Variants in LIMCH1 observed in about 807,000 individuals in gnomAD.
LIMCH1 encodes the protein LIM and calponin homology domains-containing protein 1.
Under a neutral mutation model 176.5 loss-of-function variants are expected in LIMCH1, and 113 were observed. That is an observed-to-expected ratio of 0.64 (90% CI 0.55 to 0.75). The LOEUF (loss-of-function observed/expected upper bound fraction) is 0.75, where lower values mean the gene tolerates loss of function less well. Among genes scored for constraint, LIMCH1 ranks in the 30% least tolerant of loss-of-function variants. The probability of loss-of-function intolerance (pLI) is 0.00; values close to 1 mark genes in which losing one functional copy is unlikely to be tolerated. For synonymous variants in LIMCH1, 619 were observed against 645.9 expected, an observed-to-expected ratio of 0.96 and a Z score of 0.63; for missense variants, 1,674 against 1,814.9, an observed-to-expected ratio of 0.92 and a Z score of 1.41.
At chr4:41,403,964 T>G (rs976603933) in intron 1 of LIMCH1, among the ~76,000 whole-genome samples, 6 of 152,210 alleles carry the variant, frequency 3.9e-5, no homozygotes, top group African/African-American at 7.2e-5. Context: ...TATTTGAGAT[T>G]TAATGTATTT....
chr4:41,689,554 T>G lies in LIMCH1; in HGVS notation c.4194T>G (p.Ser1398=). 1 of 1,610,854 alleles carries G rather than the reference T, an allele frequency of 6.2e-7. No homozygotes were observed. The highest frequency in any genetic ancestry group is 8.5e-7 in the Non-Finnish European group (1 of 1,177,116). Reference sequence around the variant, plus strand: ...CTATAAGTGGAAAGAAGCTGTGCTCTTCCTGTGGGCTTCCTTTGGGTAAAG... The same window carrying G: ...CTATAAGTGGAAAGAAGCTGTGCTCGTCCTGTGGGCTTCCTTTGGGTAAAG... ...NRSISGKKLC[S]SCGLPLGKGA... The change falls in exon 30 of 32, where the codon TCT becomes TCG. Residue 1398 remains serine, a synonymous_variant. Transcript: ENST00000503057.
chr4:41,556,258 G>A (rs1284093650), intron 1 of LIMCH1, among the ~76,000 whole-genome samples: 3 of 151,980 alleles, frequency 2.0e-5, no homozygotes, highest in South Asian at 2.1e-4. Flanking sequence ...AGCTGGGCAT[G>A]GTGGTGCACA....
intron 4 of LIMCH1, 109 bp from the exon 5 acceptor site, chr4:41,613,357 C>T: frequency 1.1e-6 from 1 of 930,404 alleles, no homozygotes; most frequent in Non-Finnish European, 1.6e-6. Flanking sequence ...ACAACCTTTC[C>T]ATTCTGATGT....
chr4:41,444,915 T>C (rs978399360), intron 1 of LIMCH1, among the ~76,000 whole-genome samples: 3 of 152,224 alleles, frequency 2.0e-5, no homozygotes, highest in Admixed American at 1.3e-4. Flanking sequence ...AGCTGAGTTA[T>C]TTACTGACAA....
intron 1 of LIMCH1, among the ~76,000 whole-genome samples, chr4:41,455,087 T>C (rs114240211): frequency 6.6e-6 from 1 of 151,938 alleles, no homozygotes; most frequent in African/African-American, 2.4e-5. Context: ...TCTCTATGGG[T>C]TTGAGTATTA....
intron 18 of LIMCH1, among the ~76,000 whole-genome samples, chr4:41,653,723 C>T (rs2094380633): frequency 6.6e-6 from 1 of 152,198 alleles, no homozygotes; most frequent in African/African-American, 2.4e-5. Context: ...GAAGGGATTG[C>T]GTGTGGAGCG....
intron 30 of LIMCH1, among the ~76,000 whole-genome samples, chr4:41,691,496 C>A (rs1489156470): frequency 6.6e-6 from 1 of 150,870 alleles, no homozygotes; most frequent in African/African-American, 2.4e-5. Context: ...CCTGTAATCC[C>A]AGCACTTTGG....
chr4:41,392,859 C>T (rs28372228), intron 1 of LIMCH1, among the ~76,000 whole-genome samples: 4,598 of 151,974 alleles, frequency 0.03, 245 homozygotes, highest in African/African-American at 0.1. Flanking sequence ...GGTGAAACCC[C>T]GTCTCTACAA....
intron 1 of LIMCH1, among the ~76,000 whole-genome samples, chr4:41,462,428 A>G (rs1033281237): frequency 6.6e-6 from 1 of 152,194 alleles, no homozygotes; most frequent in African/African-American, 2.4e-5. Context: ...ATAGATTACA[A>G]TCCAGGAGAT....
At chr4:41,360,405 C>T (rs1478776443), upstream of LIMCH1, among the ~76,000 whole-genome samples, 3 of 152,070 alleles carry the variant, frequency 2.0e-5, no homozygotes, top group Admixed American at 2.0e-4. This position sits in a 1 kb window ranked among gnomAD's most constrained non-coding sequence, Gnocchi z 4.5. Flanking sequence ...TGATGCCAGA[C>T]CCATCCGCCC....
Position 41,646,813 on chromosome 4 carries a change from A to T in LIMCH1, c.2740A>T (p.Thr914Ser). ...AGSGSPSKTV[T>S]PKAVPMLTPK... ...CAGTGGGTCTCCAAGCAAAACTGTC[A>T]CTCCCAAAGCAGTGCCTATGCTGAC... Residue 914 changes from threonine to serine, a missense_variant, in exon 17 of 32, where the codon ACT (threonine) becomes TCT (serine). Around this residue, in one of 3 missense-constraint regions of LIMCH1, gnomAD observed 1,015 missense variants for 1,102.5 expected, o/e 0.92. Transcript: ENST00000503057. 1.2e-6 allele frequency: 2 copies of T among 1,613,988 alleles called. No homozygotes were observed. Among genetic ancestry groups the T allele is most frequent in the East Asian group, 4.5e-5 (2 of 44,866 alleles).
chr4:41,590,594 TCTC>T (rs1214826117), intron 1 of LIMCH1, among the ~76,000 whole-genome samples: 1 of 152,164 alleles, frequency 6.6e-6, no homozygotes, highest in Admixed American at 6.5e-5. Context: ...ATAGTTCTCT[TCTC>T]CTCCCACCTC....
At chr4:41,547,661 A>T (rs1164844171) in intron 1 of LIMCH1, among the ~76,000 whole-genome samples, 1 of 146,530 alleles carries the variant, frequency 6.8e-6, no homozygotes, top group African/African-American at 2.5e-5. Flanking sequence ...TACAGATATA[A>T]ATATATACAT....
At chr4:41,687,732 C>T in intron 28 of LIMCH1, 108 bp from the exon 29 acceptor site, 13 of 648,832 alleles carry the variant, frequency 2.0e-5, no homozygotes, top group African/African-American at 5.7e-5. Flanking sequence ...ATTTGGTTGT[C>T]ACAAAAGTTT....
At chr4:41,535,007 A>G (rs1478180117), upstream of LIMCH1, among the ~76,000 whole-genome samples, 1 of 151,916 alleles carries the variant, frequency 6.6e-6, no homozygotes, top group East Asian at 1.9e-4. Context: ...CTAAAAATAC[A>G]AAAAATTAGC....
chr4:41,660,099 G>A (rs780451226), intron 18 of LIMCH1, among the ~76,000 whole-genome samples: 90 of 151,576 alleles, frequency 5.9e-4, no homozygotes, highest in Non-Finnish European at 1.2e-3. Flanking sequence ...TTTATGTATA[G>A]GCATGTATAT....
chr4:41,623,893 T>G (rs567976393), intron 7 of LIMCH1, among the ~76,000 whole-genome samples: 7 of 152,318 alleles, frequency 4.6e-5, no homozygotes, highest in African/African-American at 1.7e-4. Context: ...AGACAGAAAG[T>G]AGGATTTCTT....
intron 1 of LIMCH1, among the ~76,000 whole-genome samples, chr4:41,489,647 A>G (rs1203934985): frequency 6.6e-6 from 1 of 152,060 alleles, no homozygotes; most frequent in African/African-American, 2.4e-5. Context: ...CAGATAACAT[A>G]TTTTGTATGA....
intron 3 of LIMCH1, 173 bp downstream of exon 3, chr4:41,604,078 TTGGGC>T: frequency 2.0e-6 from 1 of 500,916 alleles, no homozygotes; most frequent in Non-Finnish European, 2.6e-6. Flanking sequence ...TGTGTATGTG[TTGGGC>T]TGGGGTGGTG....
Sources: gnomAD v4.1 joint callset for allele counts (sites outside exome capture counted in the v4.1 genomes callset) on GRCh38, gnomAD v4.1.1 for gene constraint, gnomAD v4.1.1 regional missense constraint, Gnocchi (gnomAD v3.1) non-coding constraint, MANE v1.5 for transcripts, NCBI Gene and HGNC (gene_info 2026-07-23, HGNC 2026-07-21) for gene names.